Variants in GLIPR1L2 observed in about 807,000 individuals in gnomAD.
The protein encoded by GLIPR1L2 is GLIPR1 like 2.
A neutral mutation model predicts 28.4 loss-of-function variants in GLIPR1L2; 21 were observed. That is an observed-to-expected ratio of 0.74 (90% CI 0.52 to 1.06). The LOEUF (loss-of-function observed/expected upper bound fraction) is 1.06. Ranked by LOEUF, GLIPR1L2 falls within the 50% of genes least tolerant of loss-of-function variation. The pLI is 0.00. For missense variants in GLIPR1L2, 476 were observed against 416.9 expected (o/e 1.14, Z -1.23); for synonymous variants, 145 against 139.3 (o/e 1.04, Z -0.29).
Position 75,431,102 on chromosome 12 carries a change from G to T in GLIPR1L2, c.976G>T (p.Glu326Ter). 8.9e-7 allele frequency: 1 copy of T among 1,123,990 alleles called. No homozygotes were observed. The highest frequency in any genetic ancestry group is 1.3e-6 in the Non-Finnish European group (1 of 773,296). 69.6% of individuals were successfully genotyped at this position (1,123,990 alleles called of 1,614,324 possible). A position where few individuals can be genotyped will look rare whatever the true frequency, so the allele number is the denominator to read the frequency against. The change falls in exon 6 of 6, where the codon GAG (glutamate) becomes TAG (stop). Residue 326 changes from glutamate to a stop codon, truncating the protein, a stop_gained. Coordinates refer to ENST00000550916, the MANE Select transcript of GLIPR1L2 (RefSeq NM_001270396.2). LOFTEE classifies it low-confidence loss of function (END_TRUNC). ...EIMEMEEEKEEREEEEEETQK... is the reference protein window; with the variant it reads ...EIMEMEEEKE The stretch of plus-strand genomic sequence containing the variant: ...AATGGAAATGGAGGAGGAAAAAGAA[G>T]AGAGAGAGGAGGAGGAGGAGGAAAC...
In GLIPR1L2 at chr12:75,431,216, CA is replaced by C. The variant is rs2046090092; in HGVS notation, c.*62del. The C allele has an allele frequency of 4.3e-6, 2 of 467,094 alleles. No individual in the cohort carries two copies. The highest frequency in any genetic ancestry group is 3.7e-6 in the Non-Finnish European group (1 of 269,728). The allele number at this position is 467,094 out of a possible 1,614,324, so 28.9% of individuals were successfully genotyped here. On this transcript the variant is annotated 3_prime_UTR_variant, in exon 6 of 6. Coordinates refer to ENST00000550916, the MANE Select transcript of GLIPR1L2 (RefSeq NM_001270396.2). ...ACCAATATAAACCAAAAGTGTAATA[CA>C]AAAAAAGACAGAAAAAAAAAAAAAG...
At chr12:75,398,083 C>T (rs1466559082) in intron 1 of GLIPR1L2, among the ~76,000 whole-genome samples, 1 of 149,924 alleles carries the variant, frequency 6.7e-6, no homozygotes, top group Middle Eastern at 3.2e-3. Context: ...GTAATCCCAA[C>T]ACTTCGGGAG....
chr12:75,416,271 T>C (rs1241970413), intron 3 of GLIPR1L2, among the ~76,000 whole-genome samples: 1 of 152,040 alleles, frequency 6.6e-6, no homozygotes, highest in Non-Finnish European at 1.5e-5. Context: ...AAAATAAATG[T>C]AGGAAATGTG....
chr12:75,400,014 C>G (rs561623550), intron 1 of GLIPR1L2, among the ~76,000 whole-genome samples: 2 of 152,318 alleles, frequency 1.3e-5, no homozygotes, highest in African/African-American at 4.8e-5. Flanking sequence ...TGGAAAGATA[C>G]TCTAATCTCC....
rs1268320095 is a variant in GLIPR1L2, at chr12:75,431,629, TA to T, written c.*469del. The stretch of plus-strand genomic sequence containing the variant: ...TCATAGTTTTTATTGGTGGTAGTGG[TA>T]TTTTCATGTGATATTAAGGTATCTA... On this transcript the variant is annotated 3_prime_UTR_variant, in exon 6 of 6. Coordinates refer to ENST00000550916, the MANE Select transcript of GLIPR1L2 (RefSeq NM_001270396.2). 1 of 153,824 alleles carries T rather than the reference TA, an allele frequency of 6.5e-6. No homozygotes were observed. Among genetic ancestry groups the T allele is most frequent in the African/African-American group, 2.4e-5 (1 of 41,454 alleles). 9.5% of individuals were successfully genotyped at this position (153,824 alleles called of 1,614,324 possible).
chr12:75,417,391 C>G (rs553566445), intron 3 of GLIPR1L2, among the ~76,000 whole-genome samples: 1 of 152,100 alleles, frequency 6.6e-6, no homozygotes, highest in African/African-American at 2.4e-5. Context: ...CCTGCCAACA[C>G]CTTGATTTTG....
intron 3 of GLIPR1L2, among the ~76,000 whole-genome samples, chr12:75,419,089 A>G (rs1414193781): frequency 6.6e-6 from 1 of 152,152 alleles, no homozygotes; most frequent in Non-Finnish European, 1.5e-5. Flanking sequence ...GCAGCAAACA[A>G]CCATGGCACA....
intron 3 of GLIPR1L2, among the ~76,000 whole-genome samples, chr12:75,418,154 T>C (rs2045941845): frequency 6.6e-6 from 1 of 152,152 alleles, no homozygotes; most frequent in Admixed American, 6.6e-5. Context: ...TTGTGTTATA[T>C]AGATGAGGGT....
chr12:75,414,865 A>G (rs1403331908), intron 3 of GLIPR1L2, among the ~76,000 whole-genome samples: 1 of 152,050 alleles, frequency 6.6e-6, no homozygotes, highest in African/African-American at 2.4e-5. Flanking sequence ...AAAAGACACC[A>G]CATTGAGTTT....
At position 75,420,698 on chromosome 12, in the gene GLIPR1L2, T is replaced by G. The variant is rs186602064; in HGVS notation, c.585-2206T>G. On this transcript the variant is annotated intron_variant, in intron 3 of 5. Transcript: ENST00000550916. ...ATTATTTCCTCCTAATCTGGCCCAA[T>G]AATTCCAATTGAAGTTGGGAGTTGT... Among the ~76,000 whole-genome samples, 135 of 152,344 alleles carry G rather than the reference T, an allele frequency of 8.9e-4. 3 individuals are homozygous for G. The highest frequency in any genetic ancestry group is 1.2e-4 in the Non-Finnish European group (8 of 68,026).
intron 1 of GLIPR1L2, among the ~76,000 whole-genome samples, chr12:75,406,811 C>T (rs1365693450): frequency 1.3e-5 from 2 of 149,024 alleles, no homozygotes; most frequent in African/African-American, 2.5e-5. Context: ...GATGCAAATA[C>T]GAGAGGGGCC....
At position 75,422,391 on chromosome 12, in the gene GLIPR1L2, C is replaced by T. The variant is rs535365635; in HGVS notation, c.585-513C>T. Reference sequence around the variant, plus strand: ...CATCTCAGCTTACTGCAAGCTCCGCCTCCTGGGTTCACGCCATTCTCCTGC... The same window carrying T: ...CATCTCAGCTTACTGCAAGCTCCGCTTCCTGGGTTCACGCCATTCTCCTGC... On this transcript the variant is annotated intron_variant, in intron 3 of 5. Coordinates refer to ENST00000550916, the MANE Select transcript of GLIPR1L2 (RefSeq NM_001270396.2). Among the ~76,000 whole-genome samples the T allele has an allele frequency of 5.9e-5, 9 of 151,856 alleles. 1 individual carries two copies. The South Asian group carries it at 1.9e-3, about 32-fold the overall frequency.
Position 75,431,664 on chromosome 12 carries a change from A to G in GLIPR1L2, c.*503A>G, listed in dbSNP as rs2046093990. On this transcript the variant is annotated 3_prime_UTR_variant, in exon 6 of 6. Transcript: ENST00000550916. ...TGATATTAAGGTATCTAATATTATT[A>G]TTTGTCTTTGTGGTTTTTGGAATAG... is the stretch of plus-strand genomic sequence containing the variant. 6.6e-6 allele frequency: 1 copy of G among 152,076 alleles called. No homozygotes were observed. Among genetic ancestry groups the G allele is most frequent in the Non-Finnish European group, 1.5e-5 (1 of 68,110 alleles). 9.4% of individuals were successfully genotyped at this position (152,076 alleles called of 1,614,324 possible). A position where few individuals can be genotyped will look rare whatever the true frequency, so the allele number is the denominator to read the frequency against.
chr12:75,412,625 C>T (rs1481699714), intron 2 of GLIPR1L2, among the ~76,000 whole-genome samples: 8 of 152,090 alleles, frequency 5.3e-5, no homozygotes, highest in Non-Finnish European at 7.4e-5. Context: ...CAGAGAAATG[C>T]AAATCAAAAC....
chr12:75,414,826 G>T (rs570574949), intron 3 of GLIPR1L2, among the ~76,000 whole-genome samples: 1 of 152,168 alleles, frequency 6.6e-6, no homozygotes, highest in East Asian at 1.9e-4. Context: ...AGTATGTACA[G>T]GCTCTGTTTT....
chr12:75,409,810 GATATAT>G (rs1344012845), intron 1 of GLIPR1L2, among the ~76,000 whole-genome samples: 1 of 139,994 alleles, frequency 7.1e-6, no homozygotes, highest in African/African-American at 2.6e-5. Context: ...TATCTAATCT[GATATAT>G]ATAAGATGTA....
chr12:75,391,116 C>T lies in GLIPR1L2; in HGVS notation c.-1C>T, dbSNP rs893707783. On this transcript the variant is annotated 5_prime_UTR_variant, in exon 1 of 6. Transcript: ENST00000550916. ...ACTGGCCTGTCAGCGGCCGGTGGAC[C>T]ATGGAGGCCGCAAGGCCCTTCGCCC... 1 of 1,609,470 alleles carries T rather than the reference C, an allele frequency of 6.2e-7. No individual in the cohort carries two copies. Among genetic ancestry groups the T allele is most frequent in the Non-Finnish European group, 8.5e-7 (1 of 1,176,702 alleles).
intron 1 of GLIPR1L2, among the ~76,000 whole-genome samples, chr12:75,398,646 C>G (rs1462289857): frequency 6.6e-6 from 1 of 152,074 alleles, no homozygotes; most frequent in Non-Finnish European, 1.5e-5. Context: ...ACTTAGACTC[C>G]TCTCATGTAC....
intron 3 of GLIPR1L2, among the ~76,000 whole-genome samples, chr12:75,418,528 A>C (rs2045945422): frequency 6.6e-6 from 1 of 152,184 alleles, no homozygotes; most frequent in South Asian, 2.1e-4. Context: ...GGTTTTTCAA[A>C]TATCAGATGG....
Sources: gnomAD v4.1 joint callset for allele counts (sites outside exome capture counted in the v4.1 genomes callset) on GRCh38, gnomAD v4.1.1 for gene constraint, MANE v1.5 for transcripts, NCBI Gene and HGNC (gene_info 2026-07-23, HGNC 2026-07-21) for gene names.